TAFA1: variants seen among roughly 807,000 people sequenced by gnomAD.
The protein encoded by TAFA1 is chemokine-like protein TAFA-1.
Under a neutral mutation model 18.5 loss-of-function variants are expected in TAFA1, and 4 were observed. The observed-to-expected ratio is 0.22, with a 90% CI of 0.11 to 0.49. The LOEUF is 0.49. Among genes scored for constraint, TAFA1 ranks in the 20% least tolerant of loss-of-function variants. The pLI, the probability that TAFA1 is intolerant of heterozygous loss-of-function variation, is 0.98. For missense variants in TAFA1, 147 were observed against 169.0 expected (o/e 0.87, Z 0.72); for synonymous variants, 56 against 55.2 (o/e 1.01, Z -0.06).
chr3:67,997,133 T>C, the TAFA1 span, among the ~76,000 whole-genome samples: 4,732 of 152,252 alleles, frequency 0.031, 260 homozygotes, highest in African/African-American at 0.11. Flanking sequence ...ATTTTTCAAA[T>C]AGAAAGAATG....
Position 68,484,020 on chromosome 3 carries a change from CAT to C in TAFA1, c.260-54735_260-54734del, listed in dbSNP as rs2072288178. On this transcript the variant is annotated intron_variant, in intron 3 of 4. Coordinates refer to ENST00000478136, the MANE Select transcript of TAFA1 (RefSeq NM_213609.4). Reference sequence around the variant, plus strand: ...CAATGACAATACAATGTGAATCACACATGTGACTCTACATTTTCTAGTAGCCA... The same window carrying C: ...CAATGACAATACAATGTGAATCACACGTGACTCTACATTTTCTAGTAGCCA... Among the ~76,000 whole-genome samples the C allele has an allele frequency of 6.6e-5, 10 of 152,354 alleles. No individual in the cohort carries two copies. In the South Asian group the frequency reaches 2.1e-3, roughly 32 times the overall value.
intron 2 of TAFA1, among the ~76,000 whole-genome samples, chr3:68,167,330 C>G (rs1411789242): frequency 6.6e-6 from 1 of 152,200 alleles, no homozygotes; most frequent in East Asian, 1.9e-4. Context: ...GTAATCCCAG[C>G]ACTTTGGGAG....
intron 3 of TAFA1, among the ~76,000 whole-genome samples, chr3:68,480,038 C>T (rs531894082): frequency 3.4e-4 from 52 of 152,182 alleles, no homozygotes; most frequent in African/African-American, 1.3e-3. Context: ...AGCATTGGCT[C>T]TCAAAGTGTG....
intron 2 of TAFA1, among the ~76,000 whole-genome samples, chr3:68,270,002 C>A (rs1446409753): frequency 6.6e-6 from 1 of 152,114 alleles, no homozygotes; most frequent in Non-Finnish European, 1.5e-5. Context: ...TCTATGCCTA[C>A]CTTGGAAAGT....
intron 2 of TAFA1, among the ~76,000 whole-genome samples, chr3:68,026,227 G>C (rs1223611449): frequency 6.6e-6 from 1 of 151,880 alleles, no homozygotes; most frequent in African/African-American, 2.4e-5. Context: ...ATGGGAGTGA[G>C]GGCAGGGGTT....
At chr3:68,177,029 T>C (rs1232261646) in intron 2 of TAFA1, among the ~76,000 whole-genome samples, 2 of 152,218 alleles carry the variant, frequency 1.3e-5, no homozygotes, top group African/African-American at 4.8e-5. Context: ...TTCACCGAAG[T>C]CTTCATAGAC....
intron 2 of TAFA1, among the ~76,000 whole-genome samples, chr3:68,343,642 A>G (rs376796053): frequency 1.3e-5 from 2 of 152,300 alleles, no homozygotes; most frequent in East Asian, 3.9e-4. Context: ...TTGGGCAGCT[A>G]CTAGTTCAAG....
chr3:68,181,070 T>C (rs1365229003), intron 2 of TAFA1, among the ~76,000 whole-genome samples: 1 of 152,140 alleles, frequency 6.6e-6, no homozygotes. Flanking sequence ...AGCAAAAACC[T>C]TGGGCCCTTG....
In TAFA1 at chr3:68,231,264, C is replaced by T. The variant is rs1199428778; in HGVS notation, c.119-186016C>T. On this transcript the variant is annotated intron_variant, in intron 2 of 4. Coordinates refer to ENST00000478136, the MANE Select transcript of TAFA1 (RefSeq NM_213609.4). ...GAACAAATGAACAACTCATTACCAA[C>T]ACATAGCTTACACAATTATCCTTTT... is the stretch of plus-strand genomic sequence containing the variant. Among the ~76,000 whole-genome samples the T allele has an allele frequency of 2.0e-5, 3 of 151,292 alleles. No homozygotes were observed. The South Asian group carries it at 6.3e-4, about 32-fold the overall frequency.
intron 2 of TAFA1, among the ~76,000 whole-genome samples, chr3:68,395,755 A>G (rs1448916486): frequency 1.3e-5 from 2 of 152,110 alleles, no homozygotes; most frequent in African/African-American, 2.4e-5. Flanking sequence ...GAGTTGAACA[A>G]TTAGAACATA....
chr3:68,505,849 A>T (rs1388547835), intron 3 of TAFA1, among the ~76,000 whole-genome samples: 2 of 151,436 alleles, frequency 1.3e-5, no homozygotes, highest in Non-Finnish European at 2.9e-5. Flanking sequence ...CAATCATGGG[A>T]GTGGCATTCC....
At chr3:68,486,052 C>T (rs1254358458) in intron 3 of TAFA1, among the ~76,000 whole-genome samples, 1 of 151,030 alleles carries the variant, frequency 6.6e-6, no homozygotes, top group Non-Finnish European at 1.5e-5. Context: ...GAGTAGCCTC[C>T]ATTCCTGGCT....
intron 2 of TAFA1, among the ~76,000 whole-genome samples, chr3:68,121,497 G>T (rs1375128669): frequency 1.3e-5 from 2 of 152,082 alleles, no homozygotes; most frequent in Admixed American, 6.5e-5. Flanking sequence ...CACTAACAAG[G>T]TTTTTGAAGA....
intron 2 of TAFA1, among the ~76,000 whole-genome samples, chr3:68,238,941 T>A (rs896214790): frequency 6.6e-6 from 1 of 152,144 alleles, no homozygotes; most frequent in African/African-American, 2.4e-5. Flanking sequence ...TCTTTGGGGG[T>A]GAAGGCTTTA....
intron 3 of TAFA1, among the ~76,000 whole-genome samples, chr3:68,514,092 CTTTTATAAGAGCACTAATCCCATTTGCG>C (rs989640896): frequency 8.5e-5 from 13 of 152,122 alleles, no homozygotes; most frequent in Non-Finnish European, 1.5e-4. Context: ...TCTGGGCTCT[CTTTTATAAGAGCACTAATCCCATTTGCG>C]AGGGCTCCAT....
intron 3 of TAFA1, among the ~76,000 whole-genome samples, chr3:68,522,043 C>T (rs1027787044): frequency 4.0e-5 from 6 of 151,338 alleles, no homozygotes; most frequent in East Asian, 2.0e-4. Flanking sequence ...GATGGGGTCT[C>T]GCTTTGTTGC....
At chr3:68,523,607 T>A (rs2073061028) in intron 3 of TAFA1, among the ~76,000 whole-genome samples, 2 of 152,236 alleles carry the variant, frequency 1.3e-5, no homozygotes, top group South Asian at 4.1e-4. Context: ...TGAATTTGAT[T>A]AAAATAAAAT....
chr3:68,132,687 T>G (rs1006656422), intron 2 of TAFA1, among the ~76,000 whole-genome samples: 3 of 152,238 alleles, frequency 2.0e-5, no homozygotes, highest in Admixed American at 6.5e-5. Flanking sequence ...TTGAGAAGTG[T>G]CTGTTCATAT....
At chr3:67,998,357 T>C in the TAFA1 span, among the ~76,000 whole-genome samples, 1,439 of 152,294 alleles carry the variant, frequency 9.4e-3, 20 homozygotes, top group African/African-American at 0.032. Flanking sequence ...CCCTCAATAT[T>C]CATTCTCCTT....
Sources: allele counts gnomAD v4.1 joint callset (sites outside exome capture counted in the v4.1 genomes callset), GRCh38; gene constraint gnomAD v4.1.1; transcripts MANE v1.5; gene names NCBI Gene and HGNC (gene_info 2026-07-23, HGNC 2026-07-21).